MYOF: variants seen among roughly 807,000 people sequenced by gnomAD.
MYOF encodes the protein myoferlin, also known as fer-1-like 3, myoferlin.
MYOF carries 244 observed loss-of-function variants against 284.2 expected under a neutral mutation model. The ratio of observed to expected loss-of-function variants is 0.86; its 90% confidence interval spans 0.77 to 0.95. The LOEUF (loss-of-function observed/expected upper bound fraction) is 0.95. Among genes scored for constraint, MYOF ranks in the 40% least tolerant of loss-of-function variants. The pLI, the probability that MYOF is intolerant of heterozygous loss-of-function variation, is 0.00. For synonymous variants in MYOF, 904 were observed against 919.7 expected (o/e 0.98, Z 0.31); for missense variants, 2,496 against 2,560.6 (o/e 0.97, Z 0.54).
intron 37 of MYOF, among the ~76,000 whole-genome samples, chr10:93,346,871 T>G (rs569706368): frequency 4.5e-4 from 69 of 152,312 alleles, no homozygotes; most frequent in Middle Eastern, 3.4e-3. Context: ...CACGTGGCAG[T>G]CAGTGAGTGC....
At chr10:93,333,563 C>A (rs1472830475) in intron 42 of MYOF, among the ~76,000 whole-genome samples, 195 bp downstream of exon 42, 2 of 152,084 alleles carry the variant, frequency 1.3e-5, no homozygotes, top group Non-Finnish European at 2.9e-5. Context: ...GAAGGATGAA[C>A]CAGGGGACCT....
At chr10:93,322,958 G>C in intron 48 of MYOF, 120 bp downstream of exon 48, 1 of 972,386 alleles carries the variant, frequency 1.0e-6, no homozygotes, top group Non-Finnish European at 1.6e-6. Context: ...TCACATTAAT[G>C]AGATAAAATA....
Position 93,369,873 on chromosome 10 carries a change from C to A in MYOF, c.2458-97G>T. The A allele has an allele frequency of 4.2e-6, 6 of 1,439,314 alleles. No homozygotes were observed. The South Asian group carries it at 6.5e-5, about 15-fold the overall frequency. The allele number at this position is 1,439,314 out of a possible 1,614,324, so 89.2% of individuals were successfully genotyped here. A position where few individuals can be genotyped will look rare whatever the true frequency, so the allele number is the denominator to read the frequency against. On this transcript the variant is annotated intron_variant, in intron 24 of 53. Coordinates refer to ENST00000359263, the MANE Select transcript of MYOF (RefSeq NM_013451.4). ...AAACAGAGGGAACATCTAATCATTG[C>A]TTTCACCAGTCTAATTTTATGTTTG...
At chr10:93,379,246 G>C (rs1035588891) in intron 21 of MYOF, among the ~76,000 whole-genome samples, 1 of 152,134 alleles carries the variant, frequency 6.6e-6, no homozygotes, top group African/African-American at 2.4e-5. Context: ...CTGCAGTGGA[G>C]ATTTCCACTG....
intron 9 of MYOF, among the ~76,000 whole-genome samples, 161 bp downstream of exon 9, chr10:93,403,862 T>C (rs540845251): frequency 3.0e-4 from 46 of 152,170 alleles, no homozygotes; most frequent in Non-Finnish European, 4.4e-4. Context: ...CTGTTATACT[T>C]TGGAAATAGA....
intron 36 of MYOF, among the ~76,000 whole-genome samples, chr10:93,348,348 A>C (rs1465465424): frequency 6.6e-6 from 1 of 152,172 alleles, no homozygotes; most frequent in Admixed American, 6.5e-5. Flanking sequence ...ATGGATTGCT[A>C]CTTTCTCCTC....
rs1843420884 is a variant in MYOF at position 93,333,260 on chromosome 10, T to C, written c.4772A>G (p.Asp1591Gly). 6.2e-7 allele frequency: 1 copy of C among 1,614,206 alleles called. No homozygotes were observed. Among genetic ancestry groups the C allele is most frequent in the East Asian group, 2.2e-5 (1 of 44,890 alleles). The change falls in exon 43 of 54, where the codon GAT (aspartate) becomes GGT (glycine). Residue 1591 changes from aspartate (D) to glycine (G), a missense_variant. Physicochemically the swap from Asp to Gly is moderately conservative, Grantham distance 94. Coordinates refer to ENST00000359263, the MANE Select transcript of MYOF (RefSeq NM_013451.4). Reference sequence around the variant, plus strand: ...GTTGAGAGTGTTGGGAATGTAGTGATCTCGGTCTTCAATGACTTTTTTGCC... The same window carrying C: ...GTTGAGAGTGTTGGGAATGTAGTGACCTCGGTCTTCAATGACTTTTTTGCC... ...TLGKKVIEDR[D>G]HYIPNTLNPV...
intron 48 of MYOF, among the ~76,000 whole-genome samples, chr10:93,321,590 A>G (rs1295591102): frequency 1.3e-5 from 2 of 151,910 alleles, no homozygotes; most frequent in African/African-American, 4.8e-5. Context: ...CTCACTGAGG[A>G]GAGTTCACAT....
chr10:93,379,814 TA>T (rs780105729), intron 21 of MYOF, 48 bp downstream of exon 21: 1 of 1,607,526 alleles, frequency 6.2e-7, no homozygotes. Flanking sequence ...TCCTAATACC[TA>T]ATTCACCCTG....
intron 2 of MYOF, among the ~76,000 whole-genome samples, chr10:93,455,578 C>A (rs2985074): frequency 6.6e-6 from 1 of 152,040 alleles, no homozygotes; most frequent in East Asian, 1.9e-4. Flanking sequence ...GGTGGGAGGA[C>A]CACCTGAGCC....
rs769804478 is a variant in MYOF, at chr10:93,313,056, T to C, written c.5853A>G (p.Pro1951=). ...FEQKSMKGWW[P]CYAEKDGARV... is the part of the protein sequence containing the mutation. ...GGGCGCCATCTTTCTCTGCGTAGCA[T>C]GGCCACCATCCTTTCATGGACTTCT... Residue 1951 remains proline, a synonymous_variant, in exon 51 of 54, where the codon CCA becomes CCG. Coordinates refer to ENST00000359263, the MANE Select transcript of MYOF (RefSeq NM_013451.4). The C allele has an allele frequency of 8.1e-6, 13 of 1,613,600 alleles. No homozygotes were observed. In the Admixed American group the frequency reaches 1.2e-4, roughly 14 times the overall value.
At chr10:93,475,440 G>A (rs2057238656) in intron 1 of MYOF, among the ~76,000 whole-genome samples, 1 of 152,216 alleles carries the variant, frequency 6.6e-6, no homozygotes, top group South Asian at 2.1e-4. Context: ...ACAGGTGCTA[G>A]GAACTGGTTG....
intron 29 of MYOF, among the ~76,000 whole-genome samples, chr10:93,358,500 A>G (rs787632): frequency 0.72 from 109,674 of 152,132 alleles, 39,831 homozygotes; most frequent in East Asian, 0.98. Context: ...ACATGCATGC[A>G]TATTTTCATT....
At chr10:93,418,854 A>G (rs1202678166) in intron 5 of MYOF, among the ~76,000 whole-genome samples, 1 of 152,228 alleles carries the variant, frequency 6.6e-6, no homozygotes, top group African/African-American at 2.4e-5. Context: ...TTTCCTAAAT[A>G]TCCTAGAGAA....
intron 17 of MYOF, among the ~76,000 whole-genome samples, chr10:93,389,890 T>A (rs904682960): frequency 6.6e-6 from 1 of 152,194 alleles, no homozygotes. Flanking sequence ...TGGCCCCCCA[T>A]GGGAGAGGGA....
intron 38 of MYOF, 74 bp downstream of exon 38, chr10:93,343,782 A>G: frequency 2.0e-6 from 3 of 1,468,412 alleles, no homozygotes; most frequent in Non-Finnish European, 2.9e-6. Context: ...GTTTGACTGA[A>G]TTCACCAAAT....
intron 4 of MYOF, among the ~76,000 whole-genome samples, chr10:93,428,694 C>T (rs1848705621): frequency 6.6e-6 from 1 of 152,102 alleles, no homozygotes; most frequent in African/African-American, 2.4e-5. Context: ...GGAACTACTG[C>T]TCTGGAAGGG....
At chr10:93,460,019 G>A (rs373910983) in intron 1 of MYOF, among the ~76,000 whole-genome samples, 2 of 152,140 alleles carry the variant, frequency 1.3e-5, no homozygotes, top group East Asian at 3.9e-4. Context: ...GTCCCAGCAA[G>A]AAGGGAAAGC....
At chr10:93,467,154 C>T (rs558902270) in intron 1 of MYOF, among the ~76,000 whole-genome samples, 2 of 151,966 alleles carry the variant, frequency 1.3e-5, no homozygotes, top group South Asian at 4.2e-4. Flanking sequence ...CAAACCTGTG[C>T]TCTTTTTTTT....
Sources: gnomAD v4.1 joint callset for allele counts (sites outside exome capture counted in the v4.1 genomes callset) on GRCh38, gnomAD v4.1.1 for gene constraint, MANE v1.5 for transcripts, NCBI Gene and HGNC (gene_info 2026-07-23, HGNC 2026-07-21) for gene names.